Variants in GALNTL6 observed in about 807,000 individuals in gnomAD.
GALNTL6 encodes the protein polypeptide N-acetylgalactosaminyltransferase like 6.
Under a neutral mutation model 73.7 loss-of-function variants are expected in GALNTL6, and 46 were observed. That is an observed-to-expected ratio of 0.62 (90% confidence interval 0.49 to 0.80). The LOEUF (loss-of-function observed/expected upper bound fraction) is 0.80. Among genes scored for constraint, GALNTL6 ranks in the 30% least tolerant of loss-of-function variants. The probability of loss-of-function intolerance (pLI) is 0.00; values close to 1 mark genes in which losing one functional copy is unlikely to be tolerated. For synonymous variants in GALNTL6, 259 were observed against 263.7 expected (o/e 0.98, Z 0.17); for missense variants, 604 against 755.0 (o/e 0.80, Z 2.34).
chr4:172,170,685 A>AT (rs544388226), intron 2 of GALNTL6, among the ~76,000 whole-genome samples: 4 of 151,530 alleles, frequency 2.6e-5, no homozygotes, highest in Admixed American at 6.6e-5. Context: ...TAATTTTTCT[A>AT]TTTTTTGTAC....
At chr4:171,955,806 A>G (rs1362249639) in intron 2 of GALNTL6, among the ~76,000 whole-genome samples, 5 of 152,094 alleles carry the variant, frequency 3.3e-5, no homozygotes, top group African/African-American at 1.2e-4. Context: ...TGTTACATAT[A>G]TATAACATGT....
Position 171,991,710 on chromosome 4 carries a change from A to ATG in GALNTL6, c.138+176993_138+176994insGT, listed in dbSNP as rs1579040392. Among the ~76,000 whole-genome samples the ATG allele has an allele frequency of 2.0e-3, 55 of 27,898 alleles. 4 individuals carry two copies. In the Admixed American group the frequency reaches 0.03, roughly 15 times the overall value. 18.3% of individuals were successfully genotyped at this position (27,898 alleles called of 152,430 possible). A position where few individuals can be genotyped will look rare whatever the true frequency, so the allele number is the denominator to read the frequency against. ...AGTAGACCAGAAGTTGAGTTTGATT[A>ATG]TATGTGTGTGTGTGTGTGTGTATAT... On this transcript the variant is annotated intron_variant, in intron 2 of 12. Coordinates refer to ENST00000506823, the MANE Select transcript of GALNTL6 (RefSeq NM_001034845.3).
At chr4:171,819,632 C>T (rs1734631193) in intron 2 of GALNTL6, among the ~76,000 whole-genome samples, 1 of 152,036 alleles carries the variant, frequency 6.6e-6, no homozygotes, top group Non-Finnish European at 1.5e-5. Context: ...AGTTTGCAGC[C>T]ATGTCTCTCC....
intron 5 of GALNTL6, among the ~76,000 whole-genome samples, chr4:172,694,784 C>T (rs1025123460): frequency 2.0e-5 from 3 of 152,162 alleles, no homozygotes; most frequent in African/African-American, 7.2e-5. Flanking sequence ...TTATTTCTTC[C>T]TCCAGTGATA....
At chr4:172,939,486 A>G (rs547260440) in intron 9 of GALNTL6, among the ~76,000 whole-genome samples, 10 of 152,230 alleles carry the variant, frequency 6.6e-5, no homozygotes, top group Admixed American at 2.6e-4. Flanking sequence ...AGTTCATTGC[A>G]TGCTATAAAG....
At chr4:172,517,555 A>AT (rs1278532545) in intron 5 of GALNTL6, among the ~76,000 whole-genome samples, 1 of 152,076 alleles carries the variant, frequency 6.6e-6, no homozygotes, top group African/African-American at 2.4e-5. Context: ...AGTGGTTTCT[A>AT]TTGTCAGTAA....
intron 2 of GALNTL6, among the ~76,000 whole-genome samples, chr4:171,883,306 C>A (rs1736508406): frequency 6.6e-6 from 1 of 152,030 alleles, no homozygotes; most frequent in African/African-American, 2.4e-5. Flanking sequence ...GAGCCGAGAT[C>A]CTGCCACTAC....
chr4:172,540,175 C>T (rs1024290294), intron 5 of GALNTL6, among the ~76,000 whole-genome samples: 4 of 151,590 alleles, frequency 2.6e-5, no homozygotes, highest in Admixed American at 1.3e-4. Context: ...CTCAGCCTCC[C>T]GAGTAGCTGG....
rs371790808 is a variant in GALNTL6 at position 172,414,775 on chromosome 4, T to C, written c.553+66086T>C. Among the ~76,000 whole-genome samples, 6 of 152,312 alleles carry C rather than the reference T, an allele frequency of 3.9e-5. No homozygotes were observed. The South Asian group carries it at 6.2e-4, about 16-fold the overall frequency. ...AGCACTCAGATTTAAGTAGGAAGAC[T>C]TTACTCATCATATGGTTTTATCCTG... On this transcript the variant is annotated intron_variant, in intron 5 of 12. Transcript: ENST00000506823.
At chr4:173,012,260 A>T (rs1429914431) in intron 11 of GALNTL6, among the ~76,000 whole-genome samples, 1 of 152,124 alleles carries the variant, frequency 6.6e-6, no homozygotes, top group African/African-American at 2.4e-5. Context: ...TGTACATTAA[A>T]CTAGAAAAGG....
chr4:172,826,341 G>A (rs1022505897), intron 7 of GALNTL6, among the ~76,000 whole-genome samples: 1 of 152,240 alleles, frequency 6.6e-6, no homozygotes, highest in East Asian at 1.9e-4. Flanking sequence ...AGGCAGGACT[G>A]TAGCCCACAG....
intron 2 of GALNTL6, among the ~76,000 whole-genome samples, chr4:171,928,594 G>A (rs1029924159): frequency 6.6e-6 from 1 of 152,168 alleles, no homozygotes; most frequent in African/African-American, 2.4e-5. Flanking sequence ...TATTTAAATT[G>A]TACAAAGGAA....
rs116589916 is a variant in GALNTL6 at position 172,115,191 on chromosome 4, T to C, written c.139-114465T>C. 6.8e-3 allele frequency among the ~76,000 whole-genome samples: 1,028 copies of C among 152,250 alleles called. 8 individuals are homozygous for C. The highest frequency in any genetic ancestry group is 0.024 in the African/African-American group (986 of 41,578). ...CATTTAAAATCTTTGATGTCTCACATTGAATACCAAAGGCCTTGTCCAGTA... is the reference window on the plus strand; with the variant it reads ...CATTTAAAATCTTTGATGTCTCACACTGAATACCAAAGGCCTTGTCCAGTA... On this transcript the variant is annotated intron_variant, in intron 2 of 12. Transcript: ENST00000506823.
At chr4:172,756,155 A>T (rs1051585946) in intron 5 of GALNTL6, among the ~76,000 whole-genome samples, 2 of 152,248 alleles carry the variant, frequency 1.3e-5, no homozygotes, top group African/African-American at 4.8e-5. Flanking sequence ...TAGCCAACTA[A>T]TTCCAAAGTT....
At chr4:172,704,732 C>G (rs918614927) in intron 5 of GALNTL6, among the ~76,000 whole-genome samples, 1 of 151,936 alleles carries the variant, frequency 6.6e-6, no homozygotes, top group East Asian at 1.9e-4. Flanking sequence ...CAGTTTAATT[C>G]TGATGATTAT....
At chr4:172,181,721 T>C (rs1427030177) in intron 2 of GALNTL6, among the ~76,000 whole-genome samples, 1 of 150,284 alleles carries the variant, frequency 6.7e-6, no homozygotes, top group African/African-American at 2.4e-5. Context: ...AATCTTCTTT[T>C]TTTTTTTTTT....
At chr4:171,971,313 C>T (rs1739562660) in intron 2 of GALNTL6, among the ~76,000 whole-genome samples, 1 of 152,134 alleles carries the variant, frequency 6.6e-6, no homozygotes, top group South Asian at 2.1e-4. Flanking sequence ...GGTAAGTGTT[C>T]AGTGTTGACT....
chr4:173,014,578 TTC>T, intron 11 of GALNTL6, among the ~76,000 whole-genome samples: 1 of 152,350 alleles, frequency 6.6e-6, no homozygotes, highest in Middle Eastern at 3.4e-3. Flanking sequence ...CCTTTCTTTT[TTC>T]TCTCTTTGGG....
intron 2 of GALNTL6, among the ~76,000 whole-genome samples, chr4:172,003,964 T>G (rs1740752757): frequency 6.6e-6 from 1 of 152,160 alleles, no homozygotes; most frequent in Non-Finnish European, 1.5e-5. Flanking sequence ...TTTCTGGCTT[T>G]TGAGTATAAT....
Sources: allele counts gnomAD v4.1 joint callset (sites outside exome capture counted in the v4.1 genomes callset), GRCh38; gene constraint gnomAD v4.1.1; transcripts MANE v1.5; gene names NCBI Gene and HGNC (gene_info 2026-07-23, HGNC 2026-07-21).